The following ATP8A2 variants were observed in gnomAD, a reference collection of about 807,000 sequenced individuals.
ATP8A2 encodes phospholipid-transporting ATPase IB.
A neutral mutation model predicts 165.6 loss-of-function variants in ATP8A2; 100 were observed. The ratio of observed to expected loss-of-function variants is 0.60; its 90% confidence interval spans 0.51 to 0.71. The LOEUF is 0.71. Ranked by LOEUF, ATP8A2 falls within the 30% of genes least tolerant of loss-of-function variation. The probability of loss-of-function intolerance (pLI) is 0.00; values close to 1 mark genes in which losing one functional copy is unlikely to be tolerated. For synonymous variants in ATP8A2, 543 were observed against 548.8 expected (o/e 0.99, Z 0.15); for missense variants, 1,227 against 1,479.5 (o/e 0.83, Z 2.80).
At chr13:25,645,108 T>C (rs775682323) in intron 24 of ATP8A2, among the ~76,000 whole-genome samples, 59 of 152,262 alleles carry the variant, frequency 3.9e-4, no homozygotes, top group African/African-American at 1.3e-3. Flanking sequence ...ACACCCAAGA[T>C]TGGGAAGTAA....
rs574571467 is a variant in ATP8A2, at chr13:25,618,339, G to A, written c.2211+28640G>A. 7.9e-5 allele frequency among the ~76,000 whole-genome samples: 12 copies of A among 152,198 alleles called. No individual in the cohort carries two copies. In the South Asian group the frequency reaches 2.1e-3, roughly 26 times the overall value. ...GGAATATGTAGGGCAGTGTGGAAAGGGAAGACATGGAAATGACATTGATAC... is the reference window on the plus strand; with the variant it reads ...GGAATATGTAGGGCAGTGTGGAAAGAGAAGACATGGAAATGACATTGATAC... On this transcript the variant is annotated intron_variant, in intron 24 of 36. Transcript: ENST00000381655.
intron 2 of ATP8A2, among the ~76,000 whole-genome samples, chr13:25,513,818 G>T (rs1485873708): frequency 6.6e-6 from 1 of 152,206 alleles, no homozygotes; most frequent in Non-Finnish European, 1.5e-5. Context: ...CCAGTCAGGC[G>T]TGGCGGCGCG....
rs551839584 is a variant in ATP8A2 at position 25,372,007 on chromosome 13, G to T, written c.-206G>T. 1.9e-4 allele frequency: 34 copies of T among 179,996 alleles called. No homozygotes were observed. The highest frequency in any genetic ancestry group is 8.1e-4 in the African/African-American group (34 of 42,036). 11.1% of individuals were successfully genotyped at this position (179,996 alleles called of 1,614,324 possible). A position where few individuals can be genotyped will look rare whatever the true frequency, so the allele number is the denominator to read the frequency against. On this transcript the variant is annotated 5_prime_UTR_variant, in exon 1 of 37. Transcript: ENST00000381655. The surrounding 1 kb of genome is among the most constrained non-coding windows in gnomAD (Gnocchi z 4.8). Reference sequence around the variant, plus strand: ...GGCCAGCGGGGCCCGCCGCGGTGGCGTTCGCGGATGCTGCCGCATTGGCCG... The same window carrying T: ...GGCCAGCGGGGCCCGCCGCGGTGGCTTTCGCGGATGCTGCCGCATTGGCCG...
intron 33 of ATP8A2, among the ~76,000 whole-genome samples, chr13:25,901,072 GGAA>G (rs1448235139): frequency 1.3e-5 from 2 of 152,232 alleles, no homozygotes; most frequent in Non-Finnish European, 2.9e-5. Flanking sequence ...GCTCTAGCAA[GGAA>G]GGAGGAGCAG....
intron 25 of ATP8A2, among the ~76,000 whole-genome samples, chr13:25,736,081 G>A (rs564549591): frequency 1.3e-4 from 20 of 152,290 alleles, no homozygotes; most frequent in Admixed American, 3.3e-4. Context: ...CAGTACAGTA[G>A]CATGTTGTAC....
chr13:25,513,895 G>A (rs914903720), intron 2 of ATP8A2, among the ~76,000 whole-genome samples: 10 of 150,328 alleles, frequency 6.7e-5, no homozygotes, highest in African/African-American at 1.5e-4. Flanking sequence ...GCAGTGAGCC[G>A]AGATGGGAGC....
At chr13:25,809,083 A>G (rs1433517354) in intron 27 of ATP8A2, among the ~76,000 whole-genome samples, 3 of 152,206 alleles carry the variant, frequency 2.0e-5, no homozygotes, top group Admixed American at 2.0e-4. Context: ...CACTGCTTGT[A>G]TATGAAATAA....
chr13:25,603,838 T>C (rs2040450407), intron 24 of ATP8A2, among the ~76,000 whole-genome samples: 1 of 152,114 alleles, frequency 6.6e-6, no homozygotes, highest in South Asian at 2.1e-4. Context: ...AGGAATCTTT[T>C]TTGGGCATTT....
At chr13:25,786,355 T>G (rs484148) in intron 27 of ATP8A2, among the ~76,000 whole-genome samples, 150,481 of 152,312 alleles carry the variant, frequency 0.99, 74,359 homozygotes, top group East Asian at 1. Flanking sequence ...GAATAGGAGT[T>G]ATATACACGC....
chr13:25,913,343 G>A (rs1954175582), intron 33 of ATP8A2, among the ~76,000 whole-genome samples: 1 of 152,076 alleles, frequency 6.6e-6, no homozygotes, highest in Non-Finnish European at 1.5e-5. Context: ...TCTTTTAAAA[G>A]AGCAAGTGAG....
At chr13:25,862,879 C>T (rs1186173785) in intron 33 of ATP8A2, among the ~76,000 whole-genome samples, 2 of 152,204 alleles carry the variant, frequency 1.3e-5, no homozygotes, top group Non-Finnish European at 2.9e-5. Flanking sequence ...AAACCAGAAT[C>T]TCTCATTGTT....
intron 2 of ATP8A2, among the ~76,000 whole-genome samples, chr13:25,499,065 G>C (rs2036768603): frequency 6.6e-6 from 1 of 152,172 alleles, no homozygotes; most frequent in Admixed American, 6.5e-5. Flanking sequence ...GAATCTCCAT[G>C]TGGCAGGGGA....
Position 25,618,440 on chromosome 13 carries a change from G to T in ATP8A2, c.2211+28741G>T, listed in dbSNP as rs536505839. 1.4e-3 allele frequency among the ~76,000 whole-genome samples: 207 copies of T among 146,904 alleles called. 1 individual carries two copies. Among genetic ancestry groups the T allele is most frequent in the African/African-American group, 6.5e-4 (24 of 36,666 alleles). On this transcript the variant is annotated intron_variant, in intron 24 of 36. Coordinates refer to ENST00000381655, the MANE Select transcript of ATP8A2 (RefSeq NM_016529.6). ...CCATGAGGAAAGATTTGTCATTTTC[G>T]GGAAGAAGGTGTGGAGCGGCTGGGA...
At chr13:25,458,785 G>T (rs903478503) in intron 1 of ATP8A2, among the ~76,000 whole-genome samples, 1 of 152,202 alleles carries the variant, frequency 6.6e-6, no homozygotes, top group Non-Finnish European at 1.5e-5. Flanking sequence ...GGGAGGTCCC[G>T]TTTTCTTGAA....
At chr13:25,876,780 C>A (rs1952829985) in intron 33 of ATP8A2, among the ~76,000 whole-genome samples, 1 of 152,022 alleles carries the variant, frequency 6.6e-6, no homozygotes, top group South Asian at 2.1e-4. Context: ...AAGGAATAAG[C>A]CTTTGTCTGG....
chr13:25,748,103 CA>C (rs1460755468), intron 25 of ATP8A2, among the ~76,000 whole-genome samples: 1 of 152,160 alleles, frequency 6.6e-6, no homozygotes, highest in Non-Finnish European at 1.5e-5. Flanking sequence ...ATATTTGTAT[CA>C]TCATATTTGT....
intron 33 of ATP8A2, among the ~76,000 whole-genome samples, chr13:25,933,445 C>T (rs1190089433): frequency 2.6e-5 from 4 of 152,228 alleles, no homozygotes; most frequent in Non-Finnish European, 4.4e-5. Context: ...TTCAAGATCA[C>T]AGGGTTTCCT....
chr13:25,954,244 G>C (rs528375948), intron 33 of ATP8A2, among the ~76,000 whole-genome samples: 1 of 152,346 alleles, frequency 6.6e-6, no homozygotes, highest in South Asian at 2.1e-4. Context: ...CCACCAGGAA[G>C]TTTGAACTGG....
chr13:25,901,064 T>C (rs978219442), intron 33 of ATP8A2, among the ~76,000 whole-genome samples: 1 of 152,134 alleles, frequency 6.6e-6, no homozygotes, highest in Non-Finnish European at 1.5e-5. Context: ...ACTGCATTGC[T>C]CTAGCAAGGA....
Sources: gnomAD v4.1 joint callset for allele counts (sites outside exome capture counted in the v4.1 genomes callset) on GRCh38, gnomAD v4.1.1 for gene constraint, Gnocchi (gnomAD v3.1) non-coding constraint, MANE v1.5 for transcripts, NCBI Gene and HGNC (gene_info 2026-07-23, HGNC 2026-07-21) for gene names.